The following PTPRD variants were observed in gnomAD, a reference collection of about 807,000 sequenced individuals.
PTPRD encodes receptor-type tyrosine-protein phosphatase delta.
In PTPRD, 34 loss-of-function variants were observed where a neutral mutation model predicts 214.5. The ratio of observed to expected loss-of-function variants is 0.16; its 90% CI spans 0.12 to 0.21. PTPRD has a LOEUF of 0.21. PTPRD is among the 10% of genes least tolerant of loss of function. The probability of loss-of-function intolerance (pLI) is 1.00; values close to 1 mark genes in which losing one functional copy is unlikely to be tolerated. For missense variants in PTPRD, 2,545 were observed against 2,398.7 expected (o/e 1.06, Z -1.27); for synonymous variants, 1,128 against 845.7 (o/e 1.33, Z -5.79).
chr9:8,974,932 A>G (rs1008573598), intron 11 of PTPRD, among the ~76,000 whole-genome samples: 2 of 151,722 alleles, frequency 1.3e-5, no homozygotes, highest in African/African-American at 4.8e-5. Flanking sequence ...CCCCGTCTGT[A>G]CTAAAAATAT....
chr9:9,152,393 C>G (rs1036581162), intron 10 of PTPRD, among the ~76,000 whole-genome samples: 1 of 152,114 alleles, frequency 6.6e-6, no homozygotes, highest in Non-Finnish European at 1.5e-5. Flanking sequence ...AAAGTAAATT[C>G]TAAAGGAAAT....
At chr9:9,230,883 C>T (rs1400972728) in intron 9 of PTPRD, among the ~76,000 whole-genome samples, 1 of 152,152 alleles carries the variant, frequency 6.6e-6, no homozygotes, top group East Asian at 1.9e-4. Flanking sequence ...AAACAACCCA[C>T]TGCCAAACAA....
At chr9:8,469,874 C>T (rs2096618190) in intron 31 of PTPRD, among the ~76,000 whole-genome samples, 2 of 152,198 alleles carry the variant, frequency 1.3e-5, no homozygotes, top group South Asian at 4.2e-4. Flanking sequence ...CTAGAGATGA[C>T]ACACGTCTGC....
intron 39 of PTPRD, among the ~76,000 whole-genome samples, chr9:8,351,071 G>A (rs1361949423): frequency 6.6e-6 from 1 of 152,138 alleles, no homozygotes; most frequent in Non-Finnish European, 1.5e-5. Flanking sequence ...AACAATCATG[G>A]CTAGGGAACT....
At chr9:9,584,622 T>C (rs1260463681) in intron 7 of PTPRD, among the ~76,000 whole-genome samples, 1 of 151,950 alleles carries the variant, frequency 6.6e-6, no homozygotes, top group Non-Finnish European at 1.5e-5. Flanking sequence ...TAAAAATCCA[T>C]GTGCATCTTC....
intron 2 of PTPRD, among the ~76,000 whole-genome samples, chr9:10,502,440 A>C (rs2133282692): frequency 6.6e-6 from 1 of 152,190 alleles, no homozygotes; most frequent in Non-Finnish European, 1.5e-5. Context: ...TTGCAAATTT[A>C]AAATTAGTAT....
At chr9:10,465,978 GTTT>G (rs2098990636) in intron 2 of PTPRD, among the ~76,000 whole-genome samples, 1 of 152,100 alleles carries the variant, frequency 6.6e-6, no homozygotes, top group African/African-American at 2.4e-5. Context: ...TCAAAATACA[GTTT>G]TAGAACTATG....
intron 14 of PTPRD, among the ~76,000 whole-genome samples, chr9:8,603,272 T>C (rs1428587967): frequency 6.6e-6 from 1 of 152,204 alleles, no homozygotes; most frequent in Non-Finnish European, 1.5e-5. Flanking sequence ...AGGCAATTAT[T>C]AGATTAAACT....
rs1476946823 is a variant in PTPRD at position 8,315,811 on chromosome 9, T to C, written c.*2063A>G. ...AAATTAAACCAAAGTAGTATACTCA[T>C]ACCAAAACTCTTTAAGAGTTCCTTG... On this transcript the variant is annotated 3_prime_UTR_variant, in exon 46 of 46. Coordinates refer to ENST00000381196, the MANE Select transcript of PTPRD (RefSeq NM_002839.4). 4.4e-6 allele frequency: 1 copy of C among 226,668 alleles called. No homozygotes were observed. The highest frequency in any genetic ancestry group is 8.8e-6 in the Non-Finnish European group (1 of 113,856). The allele number at this position is 226,668 out of a possible 1,614,324, so 14.0% of individuals were successfully genotyped here. A position where few individuals can be genotyped will look rare whatever the true frequency, so the allele number is the denominator to read the frequency against.
At chr9:9,363,905 T>C (rs2057077743) in intron 9 of PTPRD, among the ~76,000 whole-genome samples, 2 of 151,434 alleles carry the variant, frequency 1.3e-5, no homozygotes, top group South Asian at 2.1e-4. Context: ...CATTTTTCCA[T>C]CTTATTAATG....
intron 8 of PTPRD, among the ~76,000 whole-genome samples, chr9:9,528,299 C>G (rs1163370118): frequency 6.6e-6 from 1 of 152,104 alleles, no homozygotes; most frequent in Admixed American, 6.6e-5. Context: ...ATTCCTGGAA[C>G]TGTCAGAGGG....
chr9:10,164,616 C>A (rs1002398437), intron 3 of PTPRD, among the ~76,000 whole-genome samples: 1 of 151,518 alleles, frequency 6.6e-6, no homozygotes, highest in Non-Finnish European at 1.5e-5. Flanking sequence ...TGATTTGCAT[C>A]GTCCTTATAA....
chr9:9,329,171 C>G (rs576205215), intron 9 of PTPRD, among the ~76,000 whole-genome samples: 1 of 152,034 alleles, frequency 6.6e-6, no homozygotes, highest in East Asian at 1.9e-4. Flanking sequence ...GAGAGTCATC[C>G]CAGTTTGACA....
At chr9:8,353,943 T>TATATATGTGTGTGTAC (rs2076307760) in intron 39 of PTPRD, among the ~76,000 whole-genome samples, 1 of 66,364 alleles carries the variant, frequency 1.5e-5, no homozygotes. Flanking sequence ...TGTACATATA[T>TATATATGTGTGTGTAC]ATATATATAT....
At chr9:10,118,810 A>C (rs865982843) in intron 3 of PTPRD, among the ~76,000 whole-genome samples, 8 of 151,330 alleles carry the variant, frequency 5.3e-5, no homozygotes, top group Non-Finnish European at 1.2e-4. Flanking sequence ...TGTTTTGAGA[A>C]TGACTTTTTC....
At chr9:8,348,764 C>T (rs2074569415) in intron 39 of PTPRD, among the ~76,000 whole-genome samples, 1 of 152,172 alleles carries the variant, frequency 6.6e-6, no homozygotes. Context: ...GCTGGACCTT[C>T]TACCTCCTTC....
chr9:10,057,436 C>A (rs2097674817), intron 3 of PTPRD, among the ~76,000 whole-genome samples: 1 of 152,130 alleles, frequency 6.6e-6, no homozygotes, highest in Admixed American at 6.6e-5. Flanking sequence ...GTACCAGCAT[C>A]AGTTGAAGTA....
In PTPRD at chr9:9,955,530, T is replaced by TG. The variant is rs113899944; in HGVS notation, c.-471-16921_-471-16920insC. 8.2e-3 allele frequency among the ~76,000 whole-genome samples: 1,007 copies of TG among 123,138 alleles called. 19 individuals are homozygous for TG. Among genetic ancestry groups the TG allele is most frequent in the South Asian group, 0.058 (247 of 4,286 alleles). The allele number at this position is 123,138 out of a possible 152,430, so 80.8% of individuals were successfully genotyped here. On this transcript the variant is annotated intron_variant, in intron 4 of 45. Transcript: ENST00000381196. The stretch of plus-strand genomic sequence containing the variant: ...TTTTTTGTTTTGTTTTGTTTTGTTT[T>TG]TTTTTTTTTTTGAGACAGAGTCTCG...
chr9:9,676,129 T>C (rs1449025804), intron 7 of PTPRD, among the ~76,000 whole-genome samples: 4 of 152,142 alleles, frequency 2.6e-5, no homozygotes, highest in African/African-American at 9.6e-5. Flanking sequence ...TTTTTTAATG[T>C]TGGTTTTTTA....
Sources: allele counts gnomAD v4.1 joint callset (sites outside exome capture counted in the v4.1 genomes callset), GRCh38; gene constraint gnomAD v4.1.1; transcripts MANE v1.5; gene names NCBI Gene and HGNC (gene_info 2026-07-23, HGNC 2026-07-21).